The following SPPL2A variants were observed in gnomAD, a reference collection of about 807,000 sequenced individuals.
SPPL2A encodes the protein signal peptide peptidase like 2A, also known as signal peptide peptidase-like 2A.
In SPPL2A, 51 loss-of-function variants were observed where a neutral mutation model predicts 63.8. That is an observed-to-expected ratio of 0.80 (90% CI 0.64 to 1.01). SPPL2A has a LOEUF of 1.01. SPPL2A is among the 50% of genes least tolerant of loss of function. The pLI is 0.00. For synonymous variants in SPPL2A, 188 were observed against 205.8 expected (o/e 0.91, Z 0.74); for missense variants, 553 against 622.7 (o/e 0.89, Z 1.19).
rs995782996 is a variant in SPPL2A, at chr15:50,705,845, A to T, written c.*1955T>A. On this transcript the variant is annotated 3_prime_UTR_variant, in exon 15 of 15. Coordinates refer to ENST00000261854, the MANE Select transcript of SPPL2A (RefSeq NM_032802.4). ...ATAAATTGAACTGGCCTTAGATGAA[A>T]GATATAGTTCTGTTCACATATTTTA... 6.6e-6 allele frequency: 1 copy of T among 152,216 alleles called. No homozygotes were observed. Among genetic ancestry groups the T allele is most frequent in the African/African-American group, 2.4e-5 (1 of 41,446 alleles). 9.4% of individuals were successfully genotyped at this position (152,216 alleles called of 1,614,324 possible).
At chr15:50,747,742 A>G (rs1015791862) in intron 4 of SPPL2A, 114 bp from the exon 5 acceptor site, 13 of 725,544 alleles carry the variant, frequency 1.8e-5, no homozygotes, top group Non-Finnish European at 2.8e-5. Context: ...GACAGTCAAG[A>G]AGACTAGAAT....
rs1319983470 is a variant in SPPL2A at position 50,722,189 on chromosome 15, G to A, written c.1262C>T (p.Ala421Val). 4 of 1,584,654 alleles carry A rather than the reference G, an allele frequency of 2.5e-6. No individual in the cohort carries two copies. The Admixed American group carries it at 5.0e-5, about 20-fold the overall frequency. The change falls in exon 13 of 15, where the codon GCA (alanine) becomes GTA (valine). Residue 421 changes from alanine (A) to valine (V), a missense_variant. Physicochemically the swap from Ala to Val is moderately conservative, Grantham distance 64 (BLOSUM62 0). Transcript: ENST00000261854. ...GDIIVPGLLI[A>V]YCRRFDVQTG... ...CTGAACATCAAATCTTCTACAGTAT[G>A]CAATCAACAGGCCTTAAAAACAAAA...
intron 9 of SPPL2A, among the ~76,000 whole-genome samples, chr15:50,732,045 G>C (rs1332108734): frequency 6.6e-6 from 1 of 151,752 alleles, no homozygotes; most frequent in Non-Finnish European, 1.5e-5. Flanking sequence ...CTTGTGGCCA[G>C]AAGTTTAAGA....
At chr15:50,738,839 T>C (rs867018258) in intron 6 of SPPL2A, among the ~76,000 whole-genome samples, 6 of 152,154 alleles carry the variant, frequency 3.9e-5, no homozygotes, top group Admixed American at 2.6e-4. Context: ...AAAAAAGAAC[T>C]AGTTACTTTC....
intron 1 of SPPL2A, among the ~76,000 whole-genome samples, chr15:50,756,192 C>T (rs1823577138): frequency 6.6e-6 from 1 of 151,504 alleles, no homozygotes; most frequent in Non-Finnish European, 1.5e-5. Context: ...AACCCCGTCC[C>T]TACTAAAAAT....
At chr15:50,741,364 A>T (rs1004430602) in intron 5 of SPPL2A, among the ~76,000 whole-genome samples, 10 of 151,224 alleles carry the variant, frequency 6.6e-5, no homozygotes, top group South Asian at 2.1e-4. Flanking sequence ...AAAAATAAAA[A>T]AAAAAAAAAG....
chr15:50,720,910 A>C (rs1325908809), intron 13 of SPPL2A, among the ~76,000 whole-genome samples: 2 of 152,180 alleles, frequency 1.3e-5, no homozygotes, highest in Admixed American at 1.3e-4. Context: ...TCTAATTTTA[A>C]AGATGAGGCA....
intron 1 of SPPL2A, chr15:50,764,564 A>G (rs1359356947): frequency 6.6e-6 from 1 of 152,208 alleles, no homozygotes; most frequent in Non-Finnish European, 1.5e-5. Context: ...ATTCTAATAG[A>G]ACGAAACAAG....
At chr15:50,752,134 T>C (rs2062912854) in intron 1 of SPPL2A, among the ~76,000 whole-genome samples, 1 of 151,928 alleles carries the variant, frequency 6.6e-6, no homozygotes, top group African/African-American at 2.4e-5. Context: ...CCCAGCCATA[T>C]CCTTCTTTTT....
intron 8 of SPPL2A, among the ~76,000 whole-genome samples, chr15:50,735,390 T>TC (rs1491510426): frequency 8.6e-5 from 13 of 151,946 alleles, no homozygotes; most frequent in African/African-American, 2.9e-4. Context: ...TCTCTCTCTC[T>TC]TTCTCTCTCT....
chr15:50,755,627 CAAAAAAAAAAAAAAAAA>C (rs148415568), intron 1 of SPPL2A, among the ~76,000 whole-genome samples: 33 of 49,548 alleles, frequency 6.7e-4, no homozygotes, highest in South Asian at 4.9e-3. Flanking sequence ...CACCCTGTCT[CAAAAAAAAAAAAAAAAA>C]AAAAAAAAAA....
At chr15:50,756,681 T>A (rs1445064085) in intron 1 of SPPL2A, among the ~76,000 whole-genome samples, 1 of 151,904 alleles carries the variant, frequency 6.6e-6, no homozygotes, top group Non-Finnish European at 1.5e-5. Context: ...AGGCCAGGAG[T>A]TTGAGATGAG....
chr15:50,717,080 G>C (rs900703840), intron 14 of SPPL2A, among the ~76,000 whole-genome samples: 6 of 152,078 alleles, frequency 3.9e-5, no homozygotes, highest in Non-Finnish European at 8.8e-5. Context: ...ACTCCATCAT[G>C]AGGCCCTATT....
At chr15:50,710,810 G>C (rs930697982) in intron 14 of SPPL2A, among the ~76,000 whole-genome samples, 3 of 152,168 alleles carry the variant, frequency 2.0e-5, no homozygotes, top group African/African-American at 7.2e-5. Flanking sequence ...AGAAGTACTA[G>C]TGACATTTAA....
chr15:50,748,873 G>A lies in SPPL2A; in HGVS notation c.178-3C>T. 1 of 1,550,584 alleles carries A rather than the reference G, an allele frequency of 6.4e-7. No homozygotes were observed. Among genetic ancestry groups the A allele is most frequent in the Non-Finnish European group, 8.7e-7 (1 of 1,148,868 alleles). On this transcript the variant is annotated splice_region_variant and splice_polypyrimidine_tract_variant and intron_variant, in intron 2 of 14. Coordinates refer to ENST00000261854, the MANE Select transcript of SPPL2A (RefSeq NM_032802.4). ...AGATTCATCAAACTAATGGAAGTCTGAAAATAAGAAATGTCTTTTTAACAT... is the reference window on the plus strand; with the variant it reads ...AGATTCATCAAACTAATGGAAGTCTAAAAATAAGAAATGTCTTTTTAACAT...
At chr15:50,763,404 G>T (rs539076293) in intron 1 of SPPL2A, among the ~76,000 whole-genome samples, 1 of 152,090 alleles carries the variant, frequency 6.6e-6, no homozygotes, top group Non-Finnish European at 1.5e-5. Flanking sequence ...AGCTGGTATC[G>T]AAAAAAGATC....
At position 50,706,269 on chromosome 15, in the gene SPPL2A, A is replaced by G. The variant is rs1361308924; in HGVS notation, c.*1531T>C. On this transcript the variant is annotated 3_prime_UTR_variant, in exon 15 of 15. Transcript: ENST00000261854. ...GCCGGGCGTAGTGGCGGGCGCCTGT[A>G]GTCCTAGCTACTTGGGAGGCTGAGG... 6.7e-6 allele frequency: 1 copy of G among 150,366 alleles called. No individual in the cohort carries two copies. The highest frequency in any genetic ancestry group is 1.5e-5 in the Non-Finnish European group (1 of 67,334). The allele number at this position is 150,366 out of a possible 1,614,324, so 9.3% of individuals were successfully genotyped here.
chr15:50,727,141 A>G (rs1210482861), intron 10 of SPPL2A, among the ~76,000 whole-genome samples: 1 of 152,218 alleles, frequency 6.6e-6, no homozygotes, highest in African/African-American at 2.4e-5. Flanking sequence ...GACTGCATGA[A>G]CCACTCATTT....
intron 1 of SPPL2A, among the ~76,000 whole-genome samples, chr15:50,765,134 T>C (rs13313519): frequency 1.3e-5 from 2 of 152,066 alleles, no homozygotes; most frequent in African/African-American, 4.8e-5. Context: ...CAATTTTAAA[T>C]ATGCTGGGAC....
Sources: allele counts gnomAD v4.1 joint callset (sites outside exome capture counted in the v4.1 genomes callset), GRCh38; gene constraint gnomAD v4.1.1; transcripts MANE v1.5; gene names NCBI Gene and HGNC (gene_info 2026-07-23, HGNC 2026-07-21).